Variants in LNX1 observed in about 807,000 individuals in gnomAD.
LNX1 encodes the protein E3 ubiquitin-protein ligase LNX.
A neutral mutation model predicts 68.4 loss-of-function variants in LNX1; 54 were observed. The observed-to-expected ratio is 0.79, with a 90% confidence interval of 0.63 to 0.99. The LOEUF (loss-of-function observed/expected upper bound fraction) is 0.99, where lower values mean the gene tolerates loss of function less well. Among genes scored for constraint, LNX1 ranks in the 50% least tolerant of loss-of-function variants. LNX1 has a pLI of 0.00. For synonymous variants in LNX1, 336 were observed against 350.0 expected (o/e 0.96, Z 0.45); for missense variants, 906 against 926.4 (o/e 0.98, Z 0.29).
intron 6 of LNX1, among the ~76,000 whole-genome samples, chr4:53,491,816 G>C (rs79318302): frequency 2.9e-5 from 2 of 67,902 alleles, no homozygotes; most frequent in Non-Finnish European, 5.9e-5. Context: ...TTTGTTTTTT[G>C]AGAAAAGTTT....
upstream of LNX1, among the ~76,000 whole-genome samples, chr4:53,592,340 A>G (rs539441790): frequency 6.1e-4 from 93 of 152,256 alleles, no homozygotes; most frequent in African/African-American, 2.2e-3. Context: ...TGGACAAGTC[A>G]CTGGTTGCTT....
chr4:53,603,989 T>C (rs1236048061), intron 2 of LNX1: 1 of 152,232 alleles, frequency 6.6e-6, no homozygotes, highest in African/African-American at 2.4e-5. Context: ...TACTGTTACA[T>C]GGGCTATCAT....
chr4:53,564,255 G>C (rs145733237), intron 2 of LNX1, among the ~76,000 whole-genome samples: 1 of 152,312 alleles, frequency 6.6e-6, no homozygotes, highest in East Asian at 1.9e-4. Context: ...TTCCCAGTCT[G>C]CTTCAGGCAG....
At chr4:53,504,699 G>A (rs747543746) in intron 4 of LNX1, among the ~76,000 whole-genome samples, 57 of 152,170 alleles carry the variant, frequency 3.7e-4, no homozygotes, top group Admixed American at 3.3e-4. Flanking sequence ...TGAGAGACAT[G>A]TGGCTCTTCC....
At chr4:53,508,665 C>G (rs1212858250) in intron 2 of LNX1, among the ~76,000 whole-genome samples, 1 of 152,214 alleles carries the variant, frequency 6.6e-6, no homozygotes, top group Non-Finnish European at 1.5e-5. Flanking sequence ...ATATAAAGCT[C>G]CTCCCAGATT....
chr4:53,471,485 A>G (rs1028631943), intron 9 of LNX1, among the ~76,000 whole-genome samples: 1 of 152,230 alleles, frequency 6.6e-6, no homozygotes, highest in Non-Finnish European at 1.5e-5. Flanking sequence ...GCCAAAATTG[A>G]CAAATGGGAT....
intron 1 of LNX1, among the ~76,000 whole-genome samples, chr4:53,632,935 T>C (rs1734330909): frequency 6.6e-6 from 1 of 152,264 alleles, no homozygotes; most frequent in African/African-American, 2.4e-5. Flanking sequence ...ATATATCCTA[T>C]GTACAAGAAT....
intron 4 of LNX1, 63 bp from the exon 5 acceptor site, chr4:53,498,906 C>G: frequency 8.1e-7 from 1 of 1,227,454 alleles, no homozygotes; most frequent in Non-Finnish European, 1.2e-6. Context: ...AACTACTCTT[C>G]TTGCCAAACT....
chr4:53,484,441 T>A (rs1274314347), intron 6 of LNX1, among the ~76,000 whole-genome samples: 1 of 152,028 alleles, frequency 6.6e-6, no homozygotes, highest in African/African-American at 2.4e-5. Flanking sequence ...CAGGCACCTA[T>A]AATCCCAGCT....
chr4:53,486,642 G>A (rs1039418435), intron 6 of LNX1, among the ~76,000 whole-genome samples: 1 of 152,118 alleles, frequency 6.6e-6, no homozygotes, highest in African/African-American at 2.4e-5. Context: ...CTCCAGAGGT[G>A]GGACCAATTA....
chr4:53,607,006 G>A (rs1327830892), intron 2 of LNX1, among the ~76,000 whole-genome samples: 1 of 152,092 alleles, frequency 6.6e-6, no homozygotes, highest in Non-Finnish European at 1.5e-5. Context: ...ACATCATACT[G>A]AATGGGCATA....
intron 2 of LNX1, among the ~76,000 whole-genome samples, chr4:53,564,115 G>T (rs1425605387): frequency 2.6e-5 from 4 of 152,144 alleles, no homozygotes; most frequent in Non-Finnish European, 5.9e-5. Flanking sequence ...GTCAGTTTTG[G>T]TTTCTCTCCT....
intron 2 of LNX1, among the ~76,000 whole-genome samples, chr4:53,603,136 C>T (rs756124507): frequency 2.0e-5 from 3 of 152,210 alleles, no homozygotes; most frequent in Non-Finnish European, 2.9e-5. Context: ...CAGAGCACCA[C>T]AGTGTCACTG....
At chr4:53,605,069 C>T (rs1174333004) in intron 2 of LNX1, among the ~76,000 whole-genome samples, 1 of 152,016 alleles carries the variant, frequency 6.6e-6, no homozygotes, top group African/African-American at 2.4e-5. Flanking sequence ...AGGGCTATGC[C>T]TAGAACTGGC....
intron 2 of LNX1, among the ~76,000 whole-genome samples, chr4:53,516,719 C>A (rs904783103): frequency 1.2e-4 from 18 of 152,182 alleles, no homozygotes; most frequent in African/African-American, 4.3e-4. Flanking sequence ...AGAGGAGCAA[C>A]ATGTTGGTGG....
chr4:53,558,439 A>T (rs1730077717), intron 2 of LNX1, among the ~76,000 whole-genome samples: 1 of 152,232 alleles, frequency 6.6e-6, no homozygotes, highest in Admixed American at 6.5e-5. Context: ...CGACACTGTA[A>T]GAAATTCCCA....
chr4:53,502,997 C>T (rs1472907627), intron 4 of LNX1, among the ~76,000 whole-genome samples: 1 of 150,560 alleles, frequency 6.6e-6, no homozygotes, highest in African/African-American at 2.4e-5. Context: ...GTGGTGCGAT[C>T]TCGGCTCACT....
At chr4:53,599,675 G>A (rs891940673) in intron 2 of LNX1, among the ~76,000 whole-genome samples, 3 of 152,148 alleles carry the variant, frequency 2.0e-5, no homozygotes, top group African/African-American at 7.2e-5. Flanking sequence ...TAGAGCCCAT[G>A]ATTTTCCCAG....
chr4:53,475,203 T>A (rs570493548), intron 9 of LNX1, among the ~76,000 whole-genome samples: 1 of 152,334 alleles, frequency 6.6e-6, no homozygotes, highest in South Asian at 2.1e-4. Context: ...CACAAATGAA[T>A]AATGAAGGAC....
Sources: allele counts gnomAD v4.1 joint callset (sites outside exome capture counted in the v4.1 genomes callset), GRCh38; gene constraint gnomAD v4.1.1; transcripts MANE v1.5; gene names NCBI Gene and HGNC (gene_info 2026-07-23, HGNC 2026-07-21).